YWHAE: variants seen among roughly 807,000 people sequenced by gnomAD.
The protein encoded by YWHAE is tyrosine 3-monooxygenase/tryptophan 5-monooxygenase activation protein epsilon.
Under a neutral mutation model 30.1 loss-of-function variants are expected in YWHAE, and 4 were observed. That is an observed-to-expected ratio of 0.13 (90% CI 0.07 to 0.30). The LOEUF (loss-of-function observed/expected upper bound fraction) is 0.30. Ranked by LOEUF, YWHAE falls within the 10% of genes least tolerant of loss-of-function variation. The pLI, the probability that YWHAE is intolerant of heterozygous loss-of-function variation, is 1.00. For missense variants in YWHAE, 121 were observed against 315.9 expected (o/e 0.38, Z 4.68); for synonymous variants, 118 against 111.8 (o/e 1.06, Z -0.35).
chr17:1,348,714 T>C (rs890853899), intron 5 of YWHAE, among the ~76,000 whole-genome samples: 6 of 152,146 alleles, frequency 3.9e-5, no homozygotes, highest in African/African-American at 1.4e-4. Context: ...ACCATTGCAG[T>C]TTCAAAACCA....
intron 5 of YWHAE, among the ~76,000 whole-genome samples, chr17:1,348,279 A>G (rs1162483683): frequency 6.6e-6 from 1 of 152,100 alleles, no homozygotes; most frequent in Non-Finnish European, 1.5e-5. Context: ...TACATTTTGG[A>G]GAGAGGGGAA....
At position 1,345,651 on chromosome 17, in the gene YWHAE, CT is replaced by C. The variant is rs973583563; in HGVS notation, c.716-153del. On this transcript the variant is annotated intron_variant, in intron 5 of 5. Transcript: ENST00000264335. ...AAAGGACTTCTATCATCCTTGACAC[CT>C]GAGATGCCTAAGCCAAGAAGGGATT... is the stretch of plus-strand genomic sequence containing the variant. The C allele has an allele frequency of 6.8e-6, 5 of 735,062 alleles. No individual in the cohort carries two copies. The Admixed American group carries it at 1.3e-4, about 19-fold the overall frequency. The allele number at this position is 735,062 out of a possible 1,614,324, so 45.5% of individuals were successfully genotyped here.
chr17:1,370,346 C>T (rs138188068), intron 1 of YWHAE, among the ~76,000 whole-genome samples: 6,603 of 151,348 alleles, frequency 0.044, 171 homozygotes, highest in African/African-American at 0.076. Context: ...TTAGCCAGGA[C>T]GGTCTCGATC....
intron 2 of YWHAE, among the ~76,000 whole-genome samples, chr17:1,364,414 G>A (rs1445365380): frequency 6.6e-6 from 1 of 152,048 alleles, no homozygotes; most frequent in Non-Finnish European, 1.5e-5. Context: ...TTTTAGTAGA[G>A]ACGGGGTTTC....
At chr17:1,357,746 T>G (rs775905796) in intron 4 of YWHAE, among the ~76,000 whole-genome samples, 60 of 151,198 alleles carry the variant, frequency 4.0e-4, no homozygotes, top group Non-Finnish European at 5.9e-4. Context: ...GCCAACACTG[T>G]GAAAACCCAT....
intron 1 of YWHAE, among the ~76,000 whole-genome samples, chr17:1,377,908 G>A (rs2073148253): frequency 6.6e-6 from 1 of 152,098 alleles, no homozygotes. Context: ...AATTAGCTGG[G>A]CATGGTGGCG....
intron 5 of YWHAE, among the ~76,000 whole-genome samples, chr17:1,352,419 G>T (rs185038089): frequency 3.7e-4 from 56 of 152,144 alleles, no homozygotes; most frequent in African/African-American, 1.3e-3. Flanking sequence ...TTTTCAAAAA[G>T]TATAACACTT....
chr17:1,353,690 G>C (rs949456653), intron 5 of YWHAE, among the ~76,000 whole-genome samples: 14 of 151,778 alleles, frequency 9.2e-5, no homozygotes, highest in African/African-American at 3.4e-4. Flanking sequence ...CTTGAACCCG[G>C]GAGGCAGAGT....
intron 2 of YWHAE, among the ~76,000 whole-genome samples, chr17:1,364,550 C>A (rs951978537): frequency 6.6e-6 from 1 of 152,032 alleles, no homozygotes; most frequent in Non-Finnish European, 1.5e-5. Flanking sequence ...TTTTAAAAAA[C>A]AGTCATCATT....
intron 5 of YWHAE, among the ~76,000 whole-genome samples, chr17:1,352,914 G>A (rs565772339): frequency 3.9e-5 from 6 of 152,220 alleles, no homozygotes; most frequent in Non-Finnish European, 7.4e-5. Context: ...ACCACCAAAT[G>A]TAAAACTATC....
At chr17:1,371,087 A>AGT (rs895225457) in intron 1 of YWHAE, among the ~76,000 whole-genome samples, 3 of 151,850 alleles carry the variant, frequency 2.0e-5, no homozygotes, top group South Asian at 2.1e-4. Context: ...AGTGTGTGGT[A>AGT]GTGTGTGTGT....
intron 5 of YWHAE, among the ~76,000 whole-genome samples, chr17:1,346,990 C>CAA (rs71148471): frequency 1.9e-3 from 144 of 74,150 alleles, no homozygotes; most frequent in African/African-American, 5.4e-3. Flanking sequence ...GACTCCGTCT[C>CAA]AAAAAAAAAA....
intron 2 of YWHAE, among the ~76,000 whole-genome samples, chr17:1,363,917 G>A (rs1180805447): frequency 6.6e-6 from 1 of 152,060 alleles, no homozygotes; most frequent in African/African-American, 2.4e-5. Flanking sequence ...GGCCCGTGCT[G>A]TGCCCAGTAG....
chr17:1,361,329 A>G (rs776310474), intron 3 of YWHAE, 31 bp from the exon 4 acceptor site: 1 of 1,549,674 alleles, frequency 6.5e-7, no homozygotes. Context: ...AAAAAAAAAA[A>G]AAAATTTAAA....
chr17:1,399,162 G>A (rs1016408678), intron 1 of YWHAE: 1 of 152,086 alleles, frequency 6.6e-6, no homozygotes, highest in African/African-American at 2.4e-5. Context: ...GCTCTACAAA[G>A]GCTCGAACTC....
intron 4 of YWHAE, among the ~76,000 whole-genome samples, chr17:1,357,064 T>TC (rs2072759507): frequency 6.6e-6 from 1 of 150,566 alleles, no homozygotes. Flanking sequence ...GGTCAGGAGA[T>TC]CGAGACCATC....
intron 1 of YWHAE, chr17:1,399,716 G>C (rs896467087): frequency 4.0e-6 from 2 of 493,972 alleles, no homozygotes; most frequent in East Asian, 3.8e-5. Flanking sequence ...AGGGTGGCTC[G>C]TTCGGAGACA....
At chr17:1,380,058 C>T (rs2073181535) in intron 1 of YWHAE, among the ~76,000 whole-genome samples, 1 of 151,866 alleles carries the variant, frequency 6.6e-6, no homozygotes, top group African/African-American at 2.4e-5. Flanking sequence ...AGTCCCACCA[C>T]AGCACAGCAA....
At chr17:1,381,223 C>T (rs1192854569) in intron 1 of YWHAE, among the ~76,000 whole-genome samples, 1 of 151,984 alleles carries the variant, frequency 6.6e-6, no homozygotes, top group Non-Finnish European at 1.5e-5. Context: ...ACTAAAAATA[C>T]AAAAATTAGT....
Sources: allele counts gnomAD v4.1 joint callset (sites outside exome capture counted in the v4.1 genomes callset), GRCh38; gene constraint gnomAD v4.1.1; transcripts MANE v1.5; gene names NCBI Gene and HGNC (gene_info 2026-07-23, HGNC 2026-07-21).